Variants in CSMD3 observed in about 807,000 individuals in gnomAD.
CSMD3 encodes CUB and Sushi multiple domains 3.
In CSMD3, 177 loss-of-function variants were observed where a neutral mutation model predicts 435.2. The ratio of observed to expected loss-of-function variants is 0.41; its 90% CI spans 0.36 to 0.46. CSMD3 has a LOEUF of 0.46. CSMD3 is among the 20% of genes least tolerant of loss of function. The pLI is 0.34. For synonymous variants in CSMD3, 1,656 were observed against 1,520.5 expected (o/e 1.09, Z -2.07); for missense variants, 4,265 against 4,504.6 (o/e 0.95, Z 1.52).
chr8:112,460,025 C>T (rs1817287686), intron 32 of CSMD3, among the ~76,000 whole-genome samples: 1 of 152,122 alleles, frequency 6.6e-6, no homozygotes, highest in South Asian at 2.1e-4. Flanking sequence ...CAGCCACCAG[C>T]CTGCCTTAGC....
intron 3 of CSMD3, among the ~76,000 whole-genome samples, chr8:113,234,903 G>A (rs1422476263): frequency 6.6e-6 from 1 of 152,048 alleles, no homozygotes; most frequent in Admixed American, 6.6e-5. Context: ...CTTTTTTTAA[G>A]GAGAAATGCC....
intron 25 of CSMD3, 35 bp from the exon 26 acceptor site, chr8:112,552,755 T>C (rs1160169770): frequency 6.3e-7 from 1 of 1,596,148 alleles, no homozygotes; most frequent in Non-Finnish European, 8.6e-7. Context: ...AGCCACAATT[T>C]AATGCCAATC....
Position 113,386,444 on chromosome 8 carries a change from T to C in CSMD3, c.178+50233A>G, listed in dbSNP as rs1397893342. ...AGTTGATGCATAAAGACAATTTAGATCACTACATGCACATAGGAAACATCT... is the reference window on the plus strand; with the variant it reads ...AGTTGATGCATAAAGACAATTTAGACCACTACATGCACATAGGAAACATCT... On this transcript the variant is annotated intron_variant, in intron 1 of 70. Transcript: ENST00000297405. Among the ~76,000 whole-genome samples the C allele has an allele frequency of 2.6e-5, 4 of 152,064 alleles. No individual in the cohort carries two copies. In the East Asian group the frequency reaches 7.7e-4, roughly 29 times the overall value.
chr8:112,825,207 A>G (rs190892493), intron 12 of CSMD3, among the ~76,000 whole-genome samples: 1 of 152,254 alleles, frequency 6.6e-6, no homozygotes, highest in East Asian at 1.9e-4. Flanking sequence ...CAGCTCCTGT[A>G]ACCTTTTATC....
intron 5 of CSMD3, among the ~76,000 whole-genome samples, chr8:113,026,092 A>G (rs1025779805): frequency 8.5e-5 from 13 of 152,172 alleles, no homozygotes; most frequent in Admixed American, 2.6e-4. Context: ...CAATGCAGCC[A>G]TGTTAACTCC....
chr8:112,469,996 A>G lies in CSMD3; in HGVS notation c.5395+2595T>C, dbSNP rs76860792. ...ATTATGGCAAAGTGAGAATGAGAGG[A>G]AGCAGAAGCAAAATAGAAATCTGAT... On this transcript the variant is annotated intron_variant, in intron 32 of 70. Coordinates refer to ENST00000297405, the MANE Select transcript of CSMD3 (RefSeq NM_198123.2). 2.4e-4 allele frequency among the ~76,000 whole-genome samples: 36 copies of G among 152,280 alleles called. 1 individual carries two copies. In the East Asian group the frequency reaches 6.8e-3, roughly 29 times the overall value.
intron 5 of CSMD3, among the ~76,000 whole-genome samples, chr8:113,095,464 G>A (rs1479157623): frequency 1.3e-5 from 2 of 151,908 alleles, no homozygotes; most frequent in Non-Finnish European, 1.5e-5. Context: ...TACTTTCATC[G>A]GAGTTACCCA....
chr8:112,328,661 G>A (rs1823743061), intron 45 of CSMD3, among the ~76,000 whole-genome samples: 1 of 152,120 alleles, frequency 6.6e-6, no homozygotes. Flanking sequence ...CCCATGTGTT[G>A]AGAGAGGGAT....
intron 13 of CSMD3, among the ~76,000 whole-genome samples, chr8:112,719,349 A>C (rs1415058851): frequency 1.3e-5 from 2 of 152,180 alleles, no homozygotes; most frequent in African/African-American, 2.4e-5. Flanking sequence ...GAGTAGGTAC[A>C]CTGCTCAGCT....
At chr8:112,333,180 A>C (rs1228259405) in intron 45 of CSMD3, among the ~76,000 whole-genome samples, 1 of 152,028 alleles carries the variant, frequency 6.6e-6, no homozygotes, top group Non-Finnish European at 1.5e-5. Flanking sequence ...TGATTGATTG[A>C]TTTTGAGACA....
At chr8:113,123,009 T>A (rs2091028144) in intron 4 of CSMD3, among the ~76,000 whole-genome samples, 1 of 151,956 alleles carries the variant, frequency 6.6e-6, no homozygotes, top group African/African-American at 2.4e-5. Context: ...CACAATTAAC[T>A]TAGCTGACCA....
intron 5 of CSMD3, among the ~76,000 whole-genome samples, chr8:113,026,508 T>C (rs957664642): frequency 6.6e-6 from 1 of 152,246 alleles, no homozygotes; most frequent in African/African-American, 2.4e-5. Flanking sequence ...AGCCATTTAT[T>C]ACTTTACTTA....
chr8:112,638,659 GTTA>G (rs1291443419), intron 21 of CSMD3, 34 bp downstream of exon 21: 20 of 1,283,720 alleles, frequency 1.6e-5, no homozygotes, highest in Non-Finnish European at 2.3e-5. Flanking sequence ...TTTTTTAAAA[GTTA>G]CTGAATGAGC....
chr8:113,255,369 C>T (rs2093370838), intron 3 of CSMD3, among the ~76,000 whole-genome samples: 1 of 151,932 alleles, frequency 6.6e-6, no homozygotes, highest in African/African-American at 2.4e-5. Flanking sequence ...AAAATGAAAA[C>T]TTTTGCTGTA....
chr8:113,119,304 T>C (rs1028433486), intron 4 of CSMD3, among the ~76,000 whole-genome samples: 1 of 152,162 alleles, frequency 6.6e-6, no homozygotes, highest in African/African-American at 2.4e-5. Flanking sequence ...GATCATCAAA[T>C]TTAATTCTAA....
At chr8:112,982,528 G>A (rs1028914587) in intron 6 of CSMD3, among the ~76,000 whole-genome samples, 3 of 151,866 alleles carry the variant, frequency 2.0e-5, no homozygotes, top group South Asian at 2.1e-4. Flanking sequence ...AAAATGAAAC[G>A]TCACACACAC....
chr8:113,012,448 C>T (rs1448835605), intron 6 of CSMD3, among the ~76,000 whole-genome samples: 1 of 151,698 alleles, frequency 6.6e-6, no homozygotes, highest in East Asian at 1.9e-4. Flanking sequence ...AATTGTAATC[C>T]CCATGTGTTG....
At chr8:112,239,781 G>A (rs1264055336) in intron 66 of CSMD3, among the ~76,000 whole-genome samples, 1 of 151,738 alleles carries the variant, frequency 6.6e-6, no homozygotes, top group East Asian at 1.9e-4. Context: ...CATTTTCTTT[G>A]TTATCTTATT....
chr8:112,319,871 T>C (rs1215114799), intron 46 of CSMD3, 30 bp downstream of exon 46: 5 of 1,488,444 alleles, frequency 3.4e-6, no homozygotes, highest in Non-Finnish European at 4.7e-6. Flanking sequence ...CAGCAGTATG[T>C]TTTCCTTGAA....
Sources: allele counts gnomAD v4.1 joint callset (sites outside exome capture counted in the v4.1 genomes callset), GRCh38; gene constraint gnomAD v4.1.1; transcripts MANE v1.5; gene names NCBI Gene and HGNC (gene_info 2026-07-23, HGNC 2026-07-21).